The following WDR72 variants were observed in gnomAD, a reference collection of about 807,000 sequenced individuals.
WDR72 encodes WD repeat domain 72, also known as WD repeat-containing protein 72.
Under a neutral mutation model 124.2 loss-of-function variants are expected in WDR72, and 120 were observed. That is an observed-to-expected ratio of 0.97 (90% CI 0.83 to 1.12). WDR72 has a LOEUF of 1.12. WDR72 is among the 50% of genes most tolerant of loss of function. The probability of loss-of-function intolerance (pLI) is 0.00; values close to 1 mark genes in which losing one functional copy is unlikely to be tolerated. For missense variants in WDR72, 1,387 were observed against 1,278.8 expected, an observed-to-expected ratio of 1.08 and a Z score of -1.29; for synonymous variants, 452 against 441.7, an observed-to-expected ratio of 1.02 and a Z score of -0.29.
At chr15:53,674,945 A>C (rs1162426276) in intron 13 of WDR72, among the ~76,000 whole-genome samples, 1 of 150,972 alleles carries the variant, frequency 6.6e-6, no homozygotes, top group Admixed American at 6.6e-5. Flanking sequence ...CAATTGAAAG[A>C]AAAAAAAAGG....
intron 14 of WDR72, among the ~76,000 whole-genome samples, chr15:53,655,338 G>T (rs575517727): frequency 1.3e-5 from 2 of 150,920 alleles, no homozygotes; most frequent in South Asian, 2.1e-4. Context: ...ATAGGTCCTT[G>T]GTAATTAACA....
chr15:53,683,996 T>C (rs1357748091), intron 13 of WDR72: 1 of 152,118 alleles, frequency 6.6e-6, no homozygotes, highest in Admixed American at 6.5e-5. Flanking sequence ...TAATTTAACA[T>C]TTGTAAATAA....
Position 53,517,666 on chromosome 15 carries a change from G to T in WDR72, c.*33C>A, listed in dbSNP as rs145549474. 6.2e-7 allele frequency: 1 copy of T among 1,608,336 alleles called. No homozygotes were observed. Among genetic ancestry groups the T allele is most frequent in the Non-Finnish European group, 8.5e-7 (1 of 1,175,154 alleles). Reference sequence around the variant, plus strand: ...TGGCATCTTTTGGATTTCTTAATTTGTCCAAATTCAGCTCCTACTGATGAG... The same window carrying T: ...TGGCATCTTTTGGATTTCTTAATTTTTCCAAATTCAGCTCCTACTGATGAG... On this transcript the variant is annotated 3_prime_UTR_variant, in exon 20 of 20. Transcript: ENST00000360509.
intron 1 of WDR72, among the ~76,000 whole-genome samples, chr15:53,734,188 G>A (rs1192047120): frequency 6.6e-6 from 1 of 152,088 alleles, no homozygotes; most frequent in Non-Finnish European, 1.5e-5. Context: ...ATAAACATGG[G>A]TGTGCACTGA....
chr15:53,713,385 A>AGTATTTTATTTTATTTTATTTTGTT (rs1555427162), intron 6 of WDR72, among the ~76,000 whole-genome samples: 1 of 57,838 alleles, frequency 1.7e-5, no homozygotes, highest in African/African-American at 5.0e-5. Context: ...AAAAACCTAC[A>AGTATTTTATTTTATTTTATTTTGTT]GTATTTTATT....
At chr15:53,537,403 C>A (rs1178772037) in intron 18 of WDR72, among the ~76,000 whole-genome samples, 1 of 152,098 alleles carries the variant, frequency 6.6e-6, no homozygotes, top group Non-Finnish European at 1.5e-5. Flanking sequence ...AGGGGCTCTT[C>A]TGAAAAGGAC....
chr15:53,538,451 T>C (rs1405484046), intron 18 of WDR72, among the ~76,000 whole-genome samples: 2 of 152,126 alleles, frequency 1.3e-5, no homozygotes, highest in Non-Finnish European at 2.9e-5. Context: ...AACACATTAG[T>C]GGAGGAGGTC....
At chr15:53,749,673 T>G (rs76945083) in intron 1 of WDR72, among the ~76,000 whole-genome samples, 3,933 of 152,314 alleles carry the variant, frequency 0.026, 74 homozygotes, top group South Asian at 0.083. Context: ...CTAGGCCTTT[T>G]GCACCAAACC....
At chr15:53,656,114 GC>G (rs2015412625) in intron 14 of WDR72, among the ~76,000 whole-genome samples, 1 of 152,210 alleles carries the variant, frequency 6.6e-6, no homozygotes, top group South Asian at 2.1e-4. Context: ...GCATAAGAAA[GC>G]CCCTGCTGCT....
At chr15:53,676,907 T>C (rs1165515312) in intron 13 of WDR72, among the ~76,000 whole-genome samples, 1 of 151,088 alleles carries the variant, frequency 6.6e-6, no homozygotes, top group Non-Finnish European at 1.5e-5. Context: ...TTTACTATTT[T>C]ATACGTGAAA....
chr15:53,699,709 A>G (rs765026279), intron 13 of WDR72, 41 bp downstream of exon 13: 14 of 1,599,862 alleles, frequency 8.8e-6, no homozygotes, highest in Non-Finnish European at 1.2e-5. Context: ...CTTGTACATC[A>G]TAAATATATA....
chr15:53,617,139 G>A (rs979314283), intron 14 of WDR72, among the ~76,000 whole-genome samples: 1 of 151,700 alleles, frequency 6.6e-6, no homozygotes, highest in South Asian at 2.1e-4. Flanking sequence ...AAATTATATC[G>A]ATCGGTGAAA....
rs1412111066 is a variant in WDR72 at position 53,704,472 on chromosome 15, G to GA, written c.1348+515dup. On this transcript the variant is annotated intron_variant, in intron 11 of 19. Coordinates refer to ENST00000360509, the MANE Select transcript of WDR72 (RefSeq NM_182758.4). The stretch of plus-strand genomic sequence containing the variant: ...AAAGAACTGGAAGATCAAGTAAGGA[G>GA]AAAAAATCATTTCTTATTGTGTAGC... Among the ~76,000 whole-genome samples the GA allele has an allele frequency of 4.6e-5, 7 of 151,790 alleles. No individual in the cohort carries two copies. In the East Asian group the frequency reaches 5.8e-4, roughly 13 times the overall value.
chr15:53,753,041 C>T (rs1006287284), intron 1 of WDR72, among the ~76,000 whole-genome samples: 3 of 152,094 alleles, frequency 2.0e-5, no homozygotes, highest in South Asian at 2.1e-4. Flanking sequence ...GAAGCATTTC[C>T]GAGGCACAAC....
chr15:53,567,266 C>T (rs747988534), intron 18 of WDR72, among the ~76,000 whole-genome samples: 12 of 151,878 alleles, frequency 7.9e-5, no homozygotes, highest in Admixed American at 3.3e-4. Context: ...CATTTGGAAT[C>T]GAGAAATGAG....
chr15:53,607,465 T>C (rs901657116), intron 17 of WDR72, among the ~76,000 whole-genome samples: 1 of 152,156 alleles, frequency 6.6e-6, no homozygotes, highest in Admixed American at 6.6e-5. Context: ...GAAATCCTTA[T>C]GCAGAAGAAT....
At position 53,615,695 on chromosome 15, in the gene WDR72, A is replaced by T. The variant is rs776242458; in HGVS notation, c.2511T>A (p.Asp837Glu). 3.1e-6 allele frequency: 5 copies of T among 1,612,160 alleles called. No homozygotes were observed. Among genetic ancestry groups the T allele is most frequent in the Non-Finnish European group, 3.4e-6 (4 of 1,179,194 alleles). Residue 837 changes from aspartate to glutamate, a missense_variant, in exon 15 of 20, where the codon GAT (aspartate) becomes GAA (glutamate). Transcript: ENST00000360509. ...AACCTGGCAACATCAGTGAGAAATT[A>T]TCTTCATTCAAAGAAATTCCCAAAG... ...PISLGISLNE[D>E]NFSLMLPGWD...
intron 1 of WDR72, among the ~76,000 whole-genome samples, chr15:53,751,293 A>G (rs577316074): frequency 6.6e-6 from 1 of 152,126 alleles, no homozygotes; most frequent in African/African-American, 2.4e-5. Flanking sequence ...AGCAAACTTC[A>G]TTATTGTCAT....
intron 18 of WDR72, among the ~76,000 whole-genome samples, chr15:53,575,340 A>C (rs565253825): frequency 6.6e-6 from 1 of 152,156 alleles, no homozygotes; most frequent in Non-Finnish European, 1.5e-5. Flanking sequence ...GGATGCTGAC[A>C]CTTTATATAT....
Sources: gnomAD v4.1 joint callset for allele counts (sites outside exome capture counted in the v4.1 genomes callset) on GRCh38, gnomAD v4.1.1 for gene constraint, MANE v1.5 for transcripts, NCBI Gene and HGNC (gene_info 2026-07-23, HGNC 2026-07-21) for gene names.